Variants in PTPRD observed in about 807,000 individuals in gnomAD.
PTPRD encodes receptor-type tyrosine-protein phosphatase delta.
A neutral mutation model predicts 214.5 loss-of-function variants in PTPRD; 34 were observed. The observed-to-expected ratio is 0.16, with a 90% CI of 0.12 to 0.21. The LOEUF (loss-of-function observed/expected upper bound fraction) is 0.21. Ranked by LOEUF, PTPRD falls within the 10% of genes least tolerant of loss-of-function variation. The probability of loss-of-function intolerance (pLI) is 1.00; values close to 1 mark genes in which losing one functional copy is unlikely to be tolerated. For synonymous variants in PTPRD, 1,128 were observed against 845.7 expected (o/e 1.33, Z -5.79); for missense variants, 2,545 against 2,398.7 (o/e 1.06, Z -1.27).
chr9:9,856,850 G>T (rs890266417), intron 5 of PTPRD, among the ~76,000 whole-genome samples: 3 of 152,160 alleles, frequency 2.0e-5, no homozygotes, highest in Non-Finnish European at 2.9e-5. Flanking sequence ...TAAGTGAGCT[G>T]AGAAGGAGAA....
intron 3 of PTPRD, among the ~76,000 whole-genome samples, chr9:10,257,959 CA>C (rs2154373508): frequency 6.6e-6 from 1 of 151,960 alleles, no homozygotes; most frequent in Non-Finnish European, 1.5e-5. Context: ...GTGTTATGTG[CA>C]AAAACAAAAT....
chr9:9,271,029 G>T (rs535277051), intron 9 of PTPRD, among the ~76,000 whole-genome samples: 26 of 151,290 alleles, frequency 1.7e-4, no homozygotes, highest in Non-Finnish European at 3.7e-4. Context: ...TTTTGATCAT[G>T]TTAAGTTTAA....
chr9:10,027,944 T>C (rs113978896), intron 4 of PTPRD, among the ~76,000 whole-genome samples: 2,282 of 152,312 alleles, frequency 0.015, 54 homozygotes, highest in African/African-American at 0.052. Context: ...TAAAAGTATA[T>C]TGGATTAAGT....
intron 9 of PTPRD, among the ~76,000 whole-genome samples, chr9:9,337,645 C>A (rs570053381): frequency 6.6e-6 from 1 of 152,146 alleles, no homozygotes; most frequent in Non-Finnish European, 1.5e-5. Flanking sequence ...AATTTGAAGG[C>A]CAAGACTTGT....
intron 9 of PTPRD, among the ~76,000 whole-genome samples, chr9:9,299,317 T>C (rs540497275): frequency 6.6e-6 from 1 of 151,760 alleles, no homozygotes; most frequent in Non-Finnish European, 1.5e-5. Context: ...CAGAGGACAT[T>C]TGGCAATGTC....
intron 12 of PTPRD, among the ~76,000 whole-genome samples, chr9:8,649,626 C>CA (rs1167942846): frequency 6.6e-6 from 1 of 151,770 alleles, no homozygotes; most frequent in African/African-American, 2.4e-5. Flanking sequence ...TCTTTGTAAA[C>CA]AAAAAAACAT....
intron 8 of PTPRD, among the ~76,000 whole-genome samples, chr9:9,519,230 T>C (rs1161550654): frequency 6.6e-6 from 1 of 151,648 alleles, no homozygotes; most frequent in African/African-American, 2.4e-5. Flanking sequence ...GAGACTTTAA[T>C]GCATACCTAG....
intron 7 of PTPRD, among the ~76,000 whole-genome samples, chr9:9,640,797 TATCCTTTGGCCC>T (rs1404948570): frequency 6.6e-6 from 1 of 152,122 alleles, no homozygotes; most frequent in East Asian, 1.9e-4. Flanking sequence ...CTTAAGAGGG[TATCCTTTGGCCC>T]TAGGCCATCT....
chr9:8,917,555 T>G (rs1441349736), intron 11 of PTPRD, among the ~76,000 whole-genome samples: 1 of 152,114 alleles, frequency 6.6e-6, no homozygotes, highest in Non-Finnish European at 1.5e-5. Context: ...TGTCTACATA[T>G]CTCATCTCTG....
chr9:9,517,290 G>C (rs10977833), intron 8 of PTPRD, among the ~76,000 whole-genome samples: 4 of 152,026 alleles, frequency 2.6e-5, no homozygotes, highest in Non-Finnish European at 5.9e-5. Flanking sequence ...ATATAATTCA[G>C]TTTGTATGGG....
intron 3 of PTPRD, among the ~76,000 whole-genome samples, chr9:10,337,894 T>C (rs952543449): frequency 1.3e-5 from 2 of 151,736 alleles, no homozygotes; most frequent in East Asian, 1.9e-4. Flanking sequence ...TGCCAAGCTG[T>C]TTCCCATATT....
chr9:8,496,695 C>G (rs1460696107), intron 26 of PTPRD, among the ~76,000 whole-genome samples: 1 of 152,170 alleles, frequency 6.6e-6, no homozygotes, highest in Non-Finnish European at 1.5e-5. Flanking sequence ...ATATGCGATC[C>G]TGGAGTCAGA....
At chr9:10,278,122 C>G (rs750363027) in intron 3 of PTPRD, among the ~76,000 whole-genome samples, 16 of 150,196 alleles carry the variant, frequency 1.1e-4, no homozygotes, top group South Asian at 4.2e-4. Flanking sequence ...CGCCACTGCA[C>G]TCCAGCCTGG....
chr9:9,292,640 T>A (rs978271358), intron 9 of PTPRD, among the ~76,000 whole-genome samples: 2 of 151,464 alleles, frequency 1.3e-5, no homozygotes, highest in African/African-American at 4.8e-5. Context: ...TTTATTCAGA[T>A]TGCCTTAGTT....
chr9:10,106,091 A>G (rs2098629689), intron 3 of PTPRD, among the ~76,000 whole-genome samples: 2 of 151,266 alleles, frequency 1.3e-5, no homozygotes, highest in South Asian at 4.2e-4. Flanking sequence ...TGCATAATAT[A>G]CCATGGCACT....
At chr9:10,153,465 T>C (rs949861749) in intron 3 of PTPRD, among the ~76,000 whole-genome samples, 3 of 150,880 alleles carry the variant, frequency 2.0e-5, no homozygotes, top group African/African-American at 7.3e-5. Flanking sequence ...ACTTTGGGCA[T>C]TTACTTTTAG....
At chr9:9,130,348 A>G (rs1334701502) in intron 10 of PTPRD, among the ~76,000 whole-genome samples, 1 of 152,216 alleles carries the variant, frequency 6.6e-6, no homozygotes, top group African/African-American at 2.4e-5. Context: ...GTAAAATTAA[A>G]GAGTTTCTCC....
intron 2 of PTPRD, among the ~76,000 whole-genome samples, chr9:10,563,962 G>C (rs1329124859): frequency 1.3e-5 from 2 of 151,426 alleles, no homozygotes; most frequent in African/African-American, 4.8e-5. Flanking sequence ...CACTTATTTT[G>C]AAACATCATC....
rs545784139 is a variant in PTPRD, at chr9:9,124,986, T to G, written c.-143+58318A>C. ...GTATTGAGCAACTGGTTCCTCTCCC[T>G]ACCTTCCTTTTCTGTCTTCCTGCCA... On this transcript the variant is annotated intron_variant, in intron 10 of 45. Transcript: ENST00000381196. Among the ~76,000 whole-genome samples, 7 of 152,338 alleles carry G rather than the reference T, an allele frequency of 4.6e-5. No homozygotes were observed. In the East Asian group the frequency reaches 1.2e-3, roughly 25 times the overall value.
Sources: gnomAD v4.1 joint callset for allele counts (sites outside exome capture counted in the v4.1 genomes callset) on GRCh38, gnomAD v4.1.1 for gene constraint, MANE v1.5 for transcripts, NCBI Gene and HGNC (gene_info 2026-07-23, HGNC 2026-07-21) for gene names.